SCRIB: variants seen among roughly 807,000 people sequenced by gnomAD.
SCRIB encodes the protein scribble planar cell polarity protein.
Under a neutral mutation model 170.0 loss-of-function variants are expected in SCRIB, and 72 were observed. The observed-to-expected ratio is 0.42, with a 90% confidence interval of 0.35 to 0.52. SCRIB has a LOEUF of 0.52. Ranked by LOEUF, SCRIB falls within the 20% of genes least tolerant of loss-of-function variation. The probability of loss-of-function intolerance (pLI) is 0.02; values close to 1 mark genes in which losing one functional copy is unlikely to be tolerated. For missense variants in SCRIB, 2,475 were observed against 2,338.5 expected, an observed-to-expected ratio of 1.06 and a Z score of -1.20; for synonymous variants, 1,298 against 1,044.3, an observed-to-expected ratio of 1.24 and a Z score of -4.68.
In SCRIB at chr8:143,815,392, G is replaced by C. The variant is rs1440615144; in HGVS notation, c.-20C>G. On this transcript the variant is annotated 5_prime_UTR_variant, in exon 1 of 37. Coordinates refer to ENST00000356994, the MANE Select transcript of SCRIB (RefSeq NM_182706.5). The stretch of plus-strand genomic sequence containing the variant: ...GAGCATGGTGCGGGTGGGCGGCGCG[G>C]GCTCCGGCGGCGGCGCTCGGCGGGC... 1.3e-5 allele frequency: 17 copies of C among 1,290,162 alleles called. No homozygotes were observed. The highest frequency in any genetic ancestry group is 4.6e-4 in the Middle Eastern group (2 of 4,380). The allele number at this position is 1,290,162 out of a possible 1,614,324, so 79.9% of individuals were successfully genotyped here.
intron 24 of SCRIB, among the ~76,000 whole-genome samples, chr8:143,800,758 C>A (rs1323538284): frequency 6.6e-6 from 1 of 152,238 alleles, no homozygotes; most frequent in Non-Finnish European, 1.5e-5. Context: ...CAGCTGTAGT[C>A]CCAGCTACTC....
Position 143,808,718 on chromosome 8 carries a change from G to T in SCRIB, c.2006C>A (p.Pro669His). Reference sequence around the variant, plus strand: ...CTCCTCCTCTTCCTCCTCCTCCTGAGGACTACCCTCTTCCTCCTCCTCCTC... The same window carrying T: ...CTCCTCCTCTTCCTCCTCCTCCTGATGACTACCCTCTTCCTCCTCCTCCTC... ...KEEEEEEEGSPQEEEEEEEEE... is the reference protein window; with the variant it reads ...KEEEEEEEGSHQEEEEEEEEE... Residue 669 changes from proline (P) to histidine (H), a missense_variant, in exon 15 of 37, where the codon CCT becomes CAT. Pro to His is a moderately conservative substitution (Grantham distance 77, BLOSUM62 -2). This residue lies in a region of SCRIB where 1,966 missense variants were observed against 1,742.9 expected (regional missense o/e 1.13). Transcript: ENST00000356994. 1 of 1,589,794 alleles carries T rather than the reference G, an allele frequency of 6.3e-7. No individual in the cohort carries two copies.
intron 35 of SCRIB, 66 bp from the exon 36 acceptor site, chr8:143,791,506 T>TGG: frequency 1.3e-6 from 2 of 1,595,956 alleles, no homozygotes; most frequent in Non-Finnish European, 1.7e-6. Context: ...GGTGGACGGG[T>TGG]GGGCTCCCAG....
intron 14 of SCRIB, 142 bp downstream of exon 14, chr8:143,809,407 CCA>C: frequency 1.1e-6 from 1 of 945,876 alleles, no homozygotes; most frequent in Non-Finnish European, 1.6e-6. Context: ...CCACCCGTAG[CCA>C]CTCTGTACAG....
rs1379882180 is a variant in SCRIB, at chr8:143,810,608, T to C, written c.1405-4A>G. 1 of 1,613,010 alleles carries C rather than the reference T, an allele frequency of 6.2e-7. No homozygotes were observed. Among genetic ancestry groups the C allele is most frequent in the South Asian group, 1.1e-5 (1 of 91,034 alleles). On this transcript the variant is annotated splice_region_variant and splice_polypyrimidine_tract_variant and intron_variant, in intron 12 of 36. Coordinates refer to ENST00000356994, the MANE Select transcript of SCRIB (RefSeq NM_182706.5). ...GTGTGGCCCGGCGCTGTAGGCCCTGTTGTAGGGACAAGGATGAGCAGCAGC... is the reference window on the plus strand; with the variant it reads ...GTGTGGCCCGGCGCTGTAGGCCCTGCTGTAGGGACAAGGATGAGCAGCAGC...
At position 143,810,752 on chromosome 8, in the gene SCRIB, G is replaced by A. The variant is rs772577430; in HGVS notation, c.1338C>T (p.Ser446=). ...TGGGGGCCTCCAGGAACTGGATGAC[G>A]CTGACGCGGCTCGGCGGGGCATCGC... The part of the protein sequence containing the change: ...TWSDAPPSRV[S]VIQFLEAPIG... The change falls in exon 12 of 37, where the codon AGC becomes AGT. Residue 446 remains serine, a synonymous_variant. Transcript: ENST00000356994. 1.5e-5 allele frequency: 24 copies of A among 1,608,350 alleles called. No homozygotes were observed. Among genetic ancestry groups the A allele is most frequent in the African/African-American group, 2.7e-5 (2 of 74,900 alleles).
rs11784217 is a variant in SCRIB at position 143,793,072 on chromosome 8, C to T, written c.3921G>A (p.Pro1307=). The change falls in exon 29 of 37, where the codon CCG becomes CCA. Residue 1307 remains proline, a synonymous_variant. Coordinates refer to ENST00000356994, the MANE Select transcript of SCRIB (RefSeq NM_182706.5). The part of the protein sequence containing the change: ...CSPSGQQPPS[P]PSPDELPANV... ...TGGCGGGCAGCTCATCCGGAGAAGG[C>T]GGGGAGGGCGGCTGGGGGGTGGGGC... 0.029 allele frequency: 37,971 copies of T among 1,321,626 alleles called. 595 individuals are homozygous for T. Among genetic ancestry groups the T allele is most frequent in the Non-Finnish European group, 0.033 (33,321 of 1,001,200 alleles). The allele number at this position is 1,321,626 out of a possible 1,614,324, so 81.9% of individuals were successfully genotyped here.
intron 14 of SCRIB, 42 bp from the exon 15 acceptor site, chr8:143,809,067 T>C (rs377097497): frequency 1.3e-6 from 2 of 1,569,500 alleles, no homozygotes; most frequent in African/African-American, 1.3e-5. Context: ...GCTCTGTGGC[T>C]GTGCTTCCAC....
In SCRIB at chr8:143,792,148, G is replaced by T; in HGVS notation, c.4515-15C>A. 6.4e-7 allele frequency: 1 copy of T among 1,561,516 alleles called. No individual in the cohort carries two copies. The highest frequency in any genetic ancestry group is 8.6e-7 in the Non-Finnish European group (1 of 1,158,788). Reference sequence around the variant, plus strand: ...ATGACTTCATCCTGCAGAGAACAGCGGGCAGGGGTGACTTGGGGCAGGAGC... The same window carrying T: ...ATGACTTCATCCTGCAGAGAACAGCTGGCAGGGGTGACTTGGGGCAGGAGC... On this transcript the variant is annotated splice_polypyrimidine_tract_variant and intron_variant, in intron 32 of 36. Transcript: ENST00000356994.
Position 143,810,924 on chromosome 8 carries a change from G to T in SCRIB, c.1255C>A (p.Gln419Lys). 4 of 1,611,552 alleles carry T rather than the reference G, an allele frequency of 2.5e-6. No individual in the cohort carries two copies. The highest frequency in any genetic ancestry group is 1.7e-6 in the Non-Finnish European group (2 of 1,179,832). The stretch of plus-strand genomic sequence containing the variant: ...AACCTACCGAGGCTGGGTGGGGGCT[G>T]CTGGGGCAGCAAGTAGCAGGTGAGC... ...KVLTCYLLPQ[Q>K]PPPSLEDAGQ... The change falls in exon 11 of 37, where the codon CAG (glutamine) becomes AAG (lysine). Residue 419 changes from glutamine (Q) to lysine (K), a missense_variant. Gln to Lys is a moderately conservative substitution (Grantham distance 53). This residue lies in a region of SCRIB where 1,966 missense variants were observed against 1,742.9 expected (regional missense o/e 1.13). Transcript: ENST00000356994.
rs782199271 is a variant in SCRIB, at chr8:143,805,201, G to T, written c.2581C>A (p.His861Asn). The T allele has an allele frequency of 2.5e-6, 4 of 1,570,260 alleles. 1 individual carries two copies. In the Admixed American group the frequency reaches 7.2e-5, roughly 28 times the overall value. ...TCGCTGCGTGCCAGGCAGGCCACGTGGCGCTGACGGAGGGGCCCGGGGCTC... is the reference window on the plus strand; with the variant it reads ...TCGCTGCGTGCCAGGCAGGCCACGTTGCGCTGACGGAGGGGCCCGGGGCTC... ...PESPGPLRQR[H>N]VACLARSERG... Residue 861 changes from histidine to asparagine, a missense_variant, in exon 19 of 37, where the codon CAC becomes AAC. His to Asn is a moderately conservative substitution (Grantham distance 68). Coordinates refer to ENST00000356994, the MANE Select transcript of SCRIB (RefSeq NM_182706.5).
At chr8:143,812,115 G>A (rs990546728) in intron 9 of SCRIB, 151 bp downstream of exon 9, 5 of 714,048 alleles carry the variant, frequency 7.0e-6, no homozygotes, top group Non-Finnish European at 1.3e-5. Flanking sequence ...CGGCCAGCAT[G>A]CTCCCCCTCT....
chr8:143,809,590 A>C lies in SCRIB; in HGVS notation c.1659T>G (p.Thr553=). The C allele has an allele frequency of 6.2e-7, 1 of 1,611,730 alleles. No individual in the cohort carries two copies. The change falls in exon 14 of 37, where the codon ACT becomes ACG. Residue 553 remains threonine (T), a synonymous_variant. Transcript: ENST00000356994. ...AQGGSQQEAT[T]AGGEEDAEED... ...CTTCGGCGTCTTCCTCCCCGCCAGC[A>C]GTCGTGGCTTCCTGCTGGCTCCCAC...
intron 1 of SCRIB, among the ~76,000 whole-genome samples, 168 bp from the exon 2 acceptor site, chr8:143,814,286 G>T (rs765250648): frequency 6.6e-6 from 1 of 152,104 alleles, no homozygotes; most frequent in Non-Finnish European, 1.5e-5. Flanking sequence ...AAAAAGGAAA[G>T]AAACACACGG....
Position 143,808,932 on chromosome 8 carries a change from C to T in SCRIB, c.1792G>A (p.Gly598Arg), listed in dbSNP as rs994701441. The part of the protein sequence containing the change: ...QPEAPWTLPG[G>R]RQRLIRKDTP... ...TCCTTGCGGATGAGCCGCTGCCTCCCGCCTGGCAGGGTCCAGGGGGCCTCA... is the reference window on the plus strand; with the variant it reads ...TCCTTGCGGATGAGCCGCTGCCTCCTGCCTGGCAGGGTCCAGGGGGCCTCA... Residue 598 changes from glycine to arginine, a missense_variant, in exon 15 of 37, where the codon GGG (glycine) becomes AGG (arginine). Coordinates refer to ENST00000356994, the MANE Select transcript of SCRIB (RefSeq NM_182706.5). 4.3e-6 allele frequency: 7 copies of T among 1,612,108 alleles called. No homozygotes were observed. The highest frequency in any genetic ancestry group is 4.0e-5 in the African/African-American group (3 of 74,928).
Position 143,807,534 on chromosome 8 carries a change from A to G in SCRIB, c.2178+18T>C. ...GCCAGCAGCGGCCCGGCCAGAGTGC[A>G]GAGCGAGCAGTACAGACCTCTTCCT... On this transcript the variant is annotated intron_variant, in intron 16 of 36. Coordinates refer to ENST00000356994, the MANE Select transcript of SCRIB (RefSeq NM_182706.5). The G allele has an allele frequency of 6.2e-7, 1 of 1,609,186 alleles. No individual in the cohort carries two copies. The highest frequency in any genetic ancestry group is 8.5e-7 in the Non-Finnish European group (1 of 1,175,608).
chr8:143,805,251 A>G lies in SCRIB; in HGVS notation c.2531T>C (p.Leu844Pro), dbSNP rs1225941499. ...YSPRERRGGGLRLPLLPPESP... is the reference protein window; with the variant it reads ...YSPRERRGGGPRLPLLPPESP... Reference sequence around the variant, plus strand: ...CTCAGGCGGGAGCAGGGGCAGGCGCAGCCCCCCTCCCCGCCGCTCTCGGGG... The same window carrying G: ...CTCAGGCGGGAGCAGGGGCAGGCGCGGCCCCCCTCCCCGCCGCTCTCGGGG... The change falls in exon 19 of 37, where the codon CTG (leucine) becomes CCG (proline). Residue 844 changes from leucine (L) to proline (P), a missense_variant. Leu to Pro is a moderately conservative substitution (Grantham distance 98). Transcript: ENST00000356994. 5 of 1,531,680 alleles carry G rather than the reference A, an allele frequency of 3.3e-6. No individual in the cohort carries two copies. Among genetic ancestry groups the G allele is most frequent in the Non-Finnish European group, 4.4e-6 (5 of 1,144,456 alleles). The allele number at this position is 1,531,680 out of a possible 1,614,324, so 94.9% of individuals were successfully genotyped here.
intron 16 of SCRIB, 142 bp downstream of exon 16, chr8:143,807,410 A>G: frequency 2.6e-6 from 2 of 780,124 alleles, no homozygotes; most frequent in Admixed American, 1.8e-5. Context: ...AGGTGTCCTG[A>G]TCCTGGAGCC....
chr8:143,808,531 C>A, intron 15 of SCRIB, 78 bp downstream of exon 15: 2 of 1,483,460 alleles, frequency 1.3e-6, no homozygotes, highest in East Asian at 4.8e-5. Flanking sequence ...CAGGCCTCGG[C>A]CCTGCTCCTG....
Sources: allele counts gnomAD v4.1 joint callset (sites outside exome capture counted in the v4.1 genomes callset), GRCh38; gene constraint gnomAD v4.1.1; regional missense constraint gnomAD v4.1.1; transcripts MANE v1.5; gene names NCBI Gene and HGNC (gene_info 2026-07-23, HGNC 2026-07-21).